Variants in ACYP2 observed in about 807,000 individuals in gnomAD.
The protein encoded by ACYP2 is acylphosphatase 2.
In ACYP2, 12 loss-of-function variants were observed where a neutral mutation model predicts 11.2. The observed-to-expected ratio is 1.08, with a 90% CI of 0.69 to 1.74. ACYP2 has a LOEUF of 1.74. Ranked by LOEUF, ACYP2 falls within the 40% of genes most tolerant of loss-of-function variation. The probability of loss-of-function intolerance (pLI) is 0.00; values close to 1 mark genes in which losing one functional copy is unlikely to be tolerated. For synonymous variants in ACYP2, 43 were observed against 32.2 expected, an observed-to-expected ratio of 1.33 and a Z score of -1.13; for missense variants, 134 against 101.9, an observed-to-expected ratio of 1.31 and a Z score of -1.35.
At chr2:54,088,953 C>T (rs1023512040) in intron 4 of ACYP2, among the ~76,000 whole-genome samples, 1 of 152,140 alleles carries the variant, frequency 6.6e-6, no homozygotes, top group East Asian at 1.9e-4. Flanking sequence ...GTTCAACAGA[C>T]AGCTGAAAGA....
At chr2:54,208,561 C>G (rs1012835552) in intron 6 of ACYP2, among the ~76,000 whole-genome samples, 1 of 151,980 alleles carries the variant, frequency 6.6e-6, no homozygotes, top group Non-Finnish European at 1.5e-5. Flanking sequence ...TCCAGAAGAG[C>G]AGGATACAAC....
In ACYP2 at chr2:54,054,266, AG is replaced by A. The variant is rs568836650; in HGVS notation, c.156-2971del. On this transcript the variant is annotated intron_variant, in intron 3 of 6. Coordinates refer to ENST00000607452, the MANE Select transcript of ACYP2 (RefSeq NM_001320586.2). Reference sequence around the variant, plus strand: ...TGTAAAATTCACCTTCTTTTCATTGAGGTGGCACTTAAAAATAGCATAAGAG... The same window carrying A: ...TGTAAAATTCACCTTCTTTTCATTGAGTGGCACTTAAAAATAGCATAAGAG... Among the ~76,000 whole-genome samples, 360 of 152,324 alleles carry A rather than the reference AG, an allele frequency of 2.4e-3. 3 individuals carry two copies. Among genetic ancestry groups the A allele is most frequent in the African/African-American group, 5.2e-3 (218 of 41,584 alleles).
intron 2 of ACYP2, among the ~76,000 whole-genome samples, chr2:53,975,701 A>G (rs1671443159): frequency 6.6e-6 from 1 of 151,944 alleles, no homozygotes; most frequent in South Asian, 2.1e-4. Context: ...GTGTGGTGGC[A>G]TGCACCTGTA....
intron 6 of ACYP2, among the ~76,000 whole-genome samples, chr2:54,249,660 G>A (rs1326126425): frequency 6.6e-6 from 1 of 152,058 alleles, no homozygotes; most frequent in Non-Finnish European, 1.5e-5. Context: ...AGACAAAAAT[G>A]GGCTGGGCAC....
intron 2 of ACYP2, among the ~76,000 whole-genome samples, chr2:54,045,983 C>A (rs181582759): frequency 6.6e-6 from 1 of 151,492 alleles, no homozygotes; most frequent in Admixed American, 6.6e-5. Flanking sequence ...ACAGCCTGGG[C>A]AACATGGCAA....
chr2:54,302,968 A>C (rs1326140712), intron 6 of ACYP2, among the ~76,000 whole-genome samples: 2 of 152,128 alleles, frequency 1.3e-5, no homozygotes, highest in African/African-American at 4.8e-5. Context: ...TTTTCTCATC[A>C]ATAACTGGGG....
intron 6 of ACYP2, among the ~76,000 whole-genome samples, chr2:54,264,292 C>A (rs1211720653): frequency 1.3e-5 from 2 of 152,158 alleles, no homozygotes; most frequent in African/African-American, 4.8e-5. Context: ...AGTGAAAGAA[C>A]AAAGCTTCCA....
At chr2:54,023,786 G>A (rs567033070) in intron 2 of ACYP2, among the ~76,000 whole-genome samples, 46 of 152,182 alleles carry the variant, frequency 3.0e-4, no homozygotes, top group South Asian at 2.3e-3. Flanking sequence ...AACAAGCAGC[G>A]AGATTGAAAT....
At chr2:54,055,531 A>G (rs1676094983) in intron 3 of ACYP2, among the ~76,000 whole-genome samples, 1 of 152,236 alleles carries the variant, frequency 6.6e-6, no homozygotes, top group South Asian at 2.1e-4. Flanking sequence ...CTTGTGAGGT[A>G]GATAGAAAAA....
intron 6 of ACYP2, among the ~76,000 whole-genome samples, chr2:54,182,636 T>C (rs1391458693): frequency 6.6e-6 from 1 of 152,164 alleles, no homozygotes; most frequent in East Asian, 1.9e-4. Context: ...CCATTCCTGG[T>C]AGAAGATAAA....
chr2:53,997,648 A>G (rs1003026721), intron 2 of ACYP2, among the ~76,000 whole-genome samples: 4 of 152,158 alleles, frequency 2.6e-5, no homozygotes. Flanking sequence ...ATGAGGACAT[A>G]TCTCTTTTTC....
intron 6 of ACYP2, among the ~76,000 whole-genome samples, chr2:54,214,445 A>G (rs1057430565): frequency 9.2e-5 from 14 of 152,166 alleles, no homozygotes; most frequent in Admixed American, 9.2e-4. Flanking sequence ...TCCAGTTTCA[A>G]TCTTCTGCAT....
chr2:54,157,009 A>G (rs772142061), intron 6 of ACYP2, among the ~76,000 whole-genome samples: 23 of 152,304 alleles, frequency 1.5e-4, no homozygotes, highest in Non-Finnish European at 2.6e-4. Context: ...TTAAAAAGGT[A>G]TCTCAATTTT....
chr2:54,054,032 A>G (rs1379492736), intron 3 of ACYP2, among the ~76,000 whole-genome samples: 1 of 152,194 alleles, frequency 6.6e-6, no homozygotes, highest in Non-Finnish European at 1.5e-5. Context: ...TTGGTATAAA[A>G]ACCCTAACCA....
intron 6 of ACYP2, among the ~76,000 whole-genome samples, chr2:54,236,509 A>C (rs983652469): frequency 6.6e-6 from 1 of 152,020 alleles, no homozygotes; most frequent in Non-Finnish European, 1.5e-5. Context: ...TTCTAGGTAA[A>C]TTTTTGTTAT....
At chr2:54,262,904 G>C (rs1161867099) in intron 6 of ACYP2, among the ~76,000 whole-genome samples, 5 of 152,110 alleles carry the variant, frequency 3.3e-5, no homozygotes, top group Non-Finnish European at 7.4e-5. Context: ...TTTGAAGTAG[G>C]AGTAAGATTT....
At chr2:54,249,713 G>A (rs923521557) in intron 6 of ACYP2, among the ~76,000 whole-genome samples, 1 of 152,136 alleles carries the variant, frequency 6.6e-6, no homozygotes, top group African/African-American at 2.4e-5. Flanking sequence ...GGCCATGGCA[G>A]GAGGATTGCT....
At chr2:54,027,055 G>A (rs1284554001) in intron 2 of ACYP2, among the ~76,000 whole-genome samples, 2 of 152,102 alleles carry the variant, frequency 1.3e-5, no homozygotes, top group African/African-American at 4.8e-5. Flanking sequence ...AACAGTTTTA[G>A]GTTTACTGAA....
At chr2:54,192,886 A>G (rs1684294321) in intron 6 of ACYP2, among the ~76,000 whole-genome samples, 1 of 152,060 alleles carries the variant, frequency 6.6e-6, no homozygotes, top group Admixed American at 6.6e-5. Flanking sequence ...TCTCCTGAGA[A>G]CTCACTATCT....
Sources: gnomAD v4.1 joint callset for allele counts (sites outside exome capture counted in the v4.1 genomes callset) on GRCh38, gnomAD v4.1.1 for gene constraint, MANE v1.5 for transcripts, NCBI Gene and HGNC (gene_info 2026-07-23, HGNC 2026-07-21) for gene names.